RRN3: variants seen among roughly 807,000 people sequenced by gnomAD.
RRN3 encodes RNA polymerase I-specific transcription initiation factor RRN3.
In RRN3, 38 loss-of-function variants were observed where a neutral mutation model predicts 82.3. The observed-to-expected ratio is 0.46, with a 90% CI of 0.36 to 0.61. RRN3 has a LOEUF of 0.61. Among genes scored for constraint, RRN3 ranks in the 20% least tolerant of loss-of-function variants. RRN3 has a pLI of 0.00. For synonymous variants in RRN3, 284 were observed against 284.3 expected (o/e 1.00, Z 0.01); for missense variants, 726 against 793.1 (o/e 0.92, Z 1.02).
chr16:15,081,129 T>C lies in RRN3; in HGVS notation c.667-1033A>G, dbSNP rs1178954907. Among the ~76,000 whole-genome samples, 4 of 152,336 alleles carry C rather than the reference T, an allele frequency of 2.6e-5. No homozygotes were observed. The East Asian group carries it at 7.7e-4, about 29-fold the overall frequency. On this transcript the variant is annotated intron_variant, in intron 8 of 17. Coordinates refer to ENST00000198767, the MANE Select transcript of RRN3 (RefSeq NM_018427.5). ...TTGTCTGTTCATCAGTTGACAGACA[T>C]TTGAGTTGCTTCTACTTGAGGCTAT...
In RRN3 at chr16:15,092,601, G is replaced by T. The variant is rs202026072; in HGVS notation, c.103C>A (p.Arg35Ser). The change falls in exon 2 of 18, where the codon CGT (arginine) becomes AGT (serine). Residue 35 changes from arginine (R) to serine (S), a missense_variant. Physicochemically the swap from Arg to Ser is moderately radical, Grantham distance 110 (BLOSUM62 -1). This residue lies in a region of RRN3 where 135 missense variants were observed against 87.4 expected (regional missense o/e 1.55). Coordinates refer to ENST00000198767, the MANE Select transcript of RRN3 (RefSeq NM_018427.5). ...GASRTGISNM[R>S]ALENDFFNSP... ...TTGAAAAAGTCATTCTCTAATGCAC[G>T]CATATTTGAAATCCTGTGGAACCAA... 1.2e-6 allele frequency: 2 copies of T among 1,606,822 alleles called. No homozygotes were observed. Among genetic ancestry groups the T allele is most frequent in the African/African-American group, 2.7e-5 (2 of 74,718 alleles).
At chr16:15,092,819 A>C (rs2046189550) in intron 1 of RRN3, among the ~76,000 whole-genome samples, 1 of 151,974 alleles carries the variant, frequency 6.6e-6, no homozygotes, top group Non-Finnish European at 1.5e-5. Context: ...AAAAATCCAA[A>C]TCTCTCAGTG....
chr16:15,072,573 C>T (rs1315157310), intron 12 of RRN3, among the ~76,000 whole-genome samples: 6 of 152,002 alleles, frequency 3.9e-5, no homozygotes, highest in Non-Finnish European at 5.9e-5. Flanking sequence ...GGGCAGGAGG[C>T]GGGCAGATCA....
intron 3 of RRN3, among the ~76,000 whole-genome samples, chr16:15,089,041 G>C (rs574538843): frequency 4.6e-5 from 7 of 152,142 alleles, no homozygotes; most frequent in African/African-American, 9.7e-5. Flanking sequence ...AGTGGCTCAC[G>C]TCTATAATCC....
At chr16:15,071,854 T>A (rs1227001648) in intron 12 of RRN3, among the ~76,000 whole-genome samples, 1 of 152,142 alleles carries the variant, frequency 6.6e-6, no homozygotes, top group South Asian at 2.1e-4. Context: ...GGAATCCACA[T>A]ATTACAAAAA....
Position 15,065,254 on chromosome 16 carries a change from G to A in RRN3, c.1671C>T (p.Asp557=), listed in dbSNP as rs764075428. ...DSVQICTNPL[D]TFFPFDPCVL... is the part of the protein sequence containing the mutation. ...CACAGGGATCAAAGGGGAAGAAGGT[G>A]TCCAGCGGGTTTGTGCAGATCTGCA... The change falls in exon 16 of 18, where the codon GAC becomes GAT. Residue 557 remains aspartate (D), a synonymous_variant. Coordinates refer to ENST00000198767, the MANE Select transcript of RRN3 (RefSeq NM_018427.5). The A allele has an allele frequency of 3.1e-6, 5 of 1,613,746 alleles. No homozygotes were observed. The highest frequency in any genetic ancestry group is 2.2e-5 in the East Asian group (1 of 44,892).
chr16:15,074,076 G>C (rs2045349822), intron 11 of RRN3, among the ~76,000 whole-genome samples: 3 of 152,120 alleles, frequency 2.0e-5, no homozygotes, highest in Admixed American at 2.0e-4. Context: ...TGCTCACAAT[G>C]GTTCTCTGAA....
At chr16:15,093,811 G>C (rs1035559490) in intron 1 of RRN3, 1 of 392,792 alleles carries the variant, frequency 2.5e-6, no homozygotes, top group African/African-American at 2.1e-5. Flanking sequence ...AACCCACATA[G>C]CCCAGGGAAA....
At position 15,060,706 on chromosome 16, in the gene RRN3, G is replaced by C. The variant is rs1255535160; in HGVS notation, c.*1038C>G. 6.6e-6 allele frequency: 1 copy of C among 152,402 alleles called. No individual in the cohort carries two copies. Among genetic ancestry groups the C allele is most frequent in the Non-Finnish European group, 1.5e-5 (1 of 68,178 alleles). 9.4% of individuals were successfully genotyped at this position (152,402 alleles called of 1,614,324 possible). A position where few individuals can be genotyped will look rare whatever the true frequency, so the allele number is the denominator to read the frequency against. On this transcript the variant is annotated 3_prime_UTR_variant, in exon 18 of 18. Transcript: ENST00000198767. ...TATAAAAATACAAAAAGAGGCTTTA[G>C]AGAAGGATTTCACCAAGCCGAATGT... is the stretch of plus-strand genomic sequence containing the variant.
rs1597857355 is a variant in RRN3, at chr16:15,061,610, G to C, written c.*134C>G. 5 of 718,738 alleles carry C rather than the reference G, an allele frequency of 7.0e-6. No homozygotes were observed. In the East Asian group the frequency reaches 1.3e-4, roughly 19 times the overall value. 44.5% of individuals were successfully genotyped at this position (718,738 alleles called of 1,614,324 possible). On this transcript the variant is annotated 3_prime_UTR_variant, in exon 18 of 18. Transcript: ENST00000198767. ...TCAGATGCTTGATTCAGTCGAACCT[G>C]GAAGTGCCACAGCCGAGGCAGGCAC...
At chr16:15,090,903 T>A (rs1474702919) in intron 3 of RRN3, among the ~76,000 whole-genome samples, 2 of 151,174 alleles carry the variant, frequency 1.3e-5, no homozygotes, top group Non-Finnish European at 2.9e-5. Context: ...TTGTTTTAGC[T>A]TTAAAGAGAC....
In RRN3 at chr16:15,070,269, A is replaced by C; in HGVS notation, c.1260-15T>G. 6.2e-7 allele frequency: 1 copy of C among 1,611,540 alleles called. No homozygotes were observed. Among genetic ancestry groups the C allele is most frequent in the South Asian group, 1.1e-5 (1 of 90,930 alleles). On this transcript the variant is annotated splice_polypyrimidine_tract_variant and intron_variant, in intron 13 of 17. Transcript: ENST00000198767. ...ATTTTACAGTACTAGAGAAAAGAAA[A>C]ATTCAAGTCAACTTTACACATCATA...
rs2044664250 is a variant in RRN3 at position 15,060,241 on chromosome 16, C to T, written c.*1503G>A. On this transcript the variant is annotated 3_prime_UTR_variant, in exon 18 of 18. Coordinates refer to ENST00000198767, the MANE Select transcript of RRN3 (RefSeq NM_018427.5). ...GGGGAATTTCGTTTACTCGTTTTAT[C>T]TAATATTAAAAAATCAACATTTTGC... 2.9e-6 allele frequency: 1 copy of T among 341,498 alleles called. No homozygotes were observed. The highest frequency in any genetic ancestry group is 2.4e-5 in the South Asian group (1 of 42,042). The allele number at this position is 341,498 out of a possible 1,614,324, so 21.2% of individuals were successfully genotyped here.
chr16:15,092,590 C>T lies in RRN3; in HGVS notation c.114G>A (p.Glu38=). 1 of 1,611,868 alleles carries T rather than the reference C, an allele frequency of 6.2e-7. No individual in the cohort carries two copies. Among genetic ancestry groups the T allele is most frequent in the Non-Finnish European group, 8.5e-7 (1 of 1,178,038 alleles). The change falls in exon 2 of 18, where the codon GAG becomes GAA. Residue 38 remains glutamate (E), a synonymous_variant. Coordinates refer to ENST00000198767, the MANE Select transcript of RRN3 (RefSeq NM_018427.5). The stretch of plus-strand genomic sequence containing the variant: ...TTGGGGGAGAATTGAAAAAGTCATT[C>T]TCTAATGCACGCATATTTGAAATCC... ...RTGISNMRAL[E]NDFFNSPPRK...
intron 8 of RRN3, among the ~76,000 whole-genome samples, chr16:15,082,096 T>G (rs888652069): frequency 2.0e-5 from 3 of 152,208 alleles, no homozygotes; most frequent in African/African-American, 7.2e-5. Flanking sequence ...ATGCTTTTAA[T>G]TCTTTTTCTT....
chr16:15,076,113 CT>C (rs1352759622), intron 10 of RRN3, among the ~76,000 whole-genome samples: 1 of 152,168 alleles, frequency 6.6e-6, no homozygotes, highest in Non-Finnish European at 1.5e-5. Flanking sequence ...CCCCTGCCCT[CT>C]TCTGCTCCCT....
rs748520499 is a variant in RRN3, at chr16:15,074,731, T to C, written c.989A>G (p.Tyr330Cys). The change falls in exon 11 of 18, where the codon TAT becomes TGT. Residue 330 changes from tyrosine (Y) to cysteine (C), a missense_variant. Coordinates refer to ENST00000198767, the MANE Select transcript of RRN3 (RefSeq NM_018427.5). The part of the protein sequence containing the change: ...LVLSYMKDVC[Y>C]VDGKVDNGKT... ...TAGCTACTGTGATTTACCATCTACATAGCAGACATCCTTCATGTAGGACAA... is the reference window on the plus strand; with the variant it reads ...TAGCTACTGTGATTTACCATCTACACAGCAGACATCCTTCATGTAGGACAA... 8 of 1,613,572 alleles carry C rather than the reference T, an allele frequency of 5.0e-6. No individual in the cohort carries two copies. Among genetic ancestry groups the C allele is most frequent in the East Asian group, 4.5e-5 (2 of 44,872 alleles).
intron 9 of RRN3, 145 bp from the exon 10 acceptor site, chr16:15,076,795 T>C (rs369028451): frequency 2.7e-5 from 17 of 637,766 alleles, no homozygotes; most frequent in East Asian, 1.4e-4. Flanking sequence ...TACACAATTA[T>C]GGTGCAAGCC....
At position 15,086,154 on chromosome 16, in the gene RRN3, G is replaced by A. The variant is rs1477137746; in HGVS notation, c.447C>T (p.Ser149=). 1 of 1,606,374 alleles carries A rather than the reference G, an allele frequency of 6.2e-7. No homozygotes were observed. ...GAGGCACAAAATGGGAAGCAATCAT[G>A]CTGAGACACGGTCTGAGGAAAACAG... ...AQTVFLRPCL[S]MIASHFVPPR... is the part of the protein sequence containing the mutation. The change falls in exon 5 of 18, where the codon AGC becomes AGT. Residue 149 remains serine, a synonymous_variant. Coordinates refer to ENST00000198767, the MANE Select transcript of RRN3 (RefSeq NM_018427.5).
Sources: allele counts gnomAD v4.1 joint callset (sites outside exome capture counted in the v4.1 genomes callset), GRCh38; gene constraint gnomAD v4.1.1; regional missense constraint gnomAD v4.1.1; transcripts MANE v1.5; gene names NCBI Gene and HGNC (gene_info 2026-07-23, HGNC 2026-07-21).